The following CCDC6 variants were observed in gnomAD, a reference collection of about 807,000 sequenced individuals.
CCDC6 encodes coiled-coil domain-containing protein 6.
Under a neutral mutation model 56.6 loss-of-function variants are expected in CCDC6, and 20 were observed. The observed-to-expected ratio is 0.35, with a 90% CI of 0.25 to 0.51. CCDC6 has a LOEUF of 0.51. Ranked by LOEUF, CCDC6 falls within the 20% of genes least tolerant of loss-of-function variation. The pLI is 0.95. For missense variants in CCDC6, 367 were observed against 601.1 expected (o/e 0.61, Z 4.07); for synonymous variants, 241 against 234.4 (o/e 1.03, Z -0.26).
Position 59,812,915 on chromosome 10 carries a change from G to C in CCDC6, c.687-120C>G, listed in dbSNP as rs114482036. 349 of 673,062 alleles carry C rather than the reference G, an allele frequency of 5.2e-4. 1 individual carries two copies. Among genetic ancestry groups the C allele is most frequent in the African/African-American group, 5.1e-3 (279 of 54,978 alleles). The allele number at this position is 673,062 out of a possible 1,614,324, so 41.7% of individuals were successfully genotyped here. A position where few individuals can be genotyped will look rare whatever the true frequency, so the allele number is the denominator to read the frequency against. On this transcript the variant is annotated intron_variant, in intron 4 of 8. Coordinates refer to ENST00000263102, the MANE Select transcript of CCDC6 (RefSeq NM_005436.5). Reference sequence around the variant, plus strand: ...TCCTGTTTACTGCCAGAATTCACAGGGTTGCTTAATTCCTCTGCCCATTTT... The same window carrying C: ...TCCTGTTTACTGCCAGAATTCACAGCGTTGCTTAATTCCTCTGCCCATTTT...
At chr10:59,848,071 G>T (rs1380419191) in intron 2 of CCDC6, among the ~76,000 whole-genome samples, 1 of 152,124 alleles carries the variant, frequency 6.6e-6, no homozygotes, top group African/African-American at 2.4e-5. Context: ...CTCAGCCAGT[G>T]TGAGTGAGTG....
chr10:59,904,932 A>G (rs769100360), intron 1 of CCDC6, among the ~76,000 whole-genome samples: 1 of 152,144 alleles, frequency 6.6e-6, no homozygotes, highest in Non-Finnish European at 1.5e-5. Context: ...GGGCATCCTA[A>G]ACTTGCTCCA....
In CCDC6 at chr10:59,833,889, A is replaced by T. The variant is rs111490315; in HGVS notation, c.454-1236T>A. On this transcript the variant is annotated intron_variant, in intron 2 of 8. Coordinates refer to ENST00000263102, the MANE Select transcript of CCDC6 (RefSeq NM_005436.5). ...TATATGTGACAAATCACATTATTAG[A>T]CTGAAGCAATACAGCTGGAAAGTGG... Among the ~76,000 whole-genome samples the T allele has an allele frequency of 1.2e-3, 186 of 152,212 alleles. 2 individuals are homozygous for T. Among genetic ancestry groups the T allele is most frequent in the African/African-American group, 4.3e-3 (179 of 41,512 alleles).
chr10:59,897,901 C>T (rs1589066133), intron 1 of CCDC6, among the ~76,000 whole-genome samples: 1 of 152,170 alleles, frequency 6.6e-6, no homozygotes, highest in Admixed American at 6.5e-5. Flanking sequence ...TCTGCAGTAC[C>T]AAGTGGCCTC....
chr10:59,809,626 T>C (rs1364785760), intron 5 of CCDC6, among the ~76,000 whole-genome samples: 1 of 152,086 alleles, frequency 6.6e-6, no homozygotes, highest in Non-Finnish European at 1.5e-5. Context: ...CACACAGAAC[T>C]CCCTAGTACT....
intron 1 of CCDC6, among the ~76,000 whole-genome samples, chr10:59,861,215 C>T (rs976975645): frequency 6.6e-6 from 1 of 151,444 alleles, no homozygotes; most frequent in Non-Finnish European, 1.5e-5. Flanking sequence ...AATAATAATC[C>T]GGGTGCGGTG....
rs1312441627 is a variant in CCDC6, at chr10:59,821,868, T to C, written c.583-7113A>G. ...TGAAAGTTATGCCGTTGATAATTTATCTTCCTATTTTTTCCTGGCCTGCCC... is the reference window on the plus strand; with the variant it reads ...TGAAAGTTATGCCGTTGATAATTTACCTTCCTATTTTTTCCTGGCCTGCCC... On this transcript the variant is annotated intron_variant, in intron 3 of 8. Coordinates refer to ENST00000263102, the MANE Select transcript of CCDC6 (RefSeq NM_005436.5). Among the ~76,000 whole-genome samples the C allele has an allele frequency of 2.0e-5, 3 of 152,352 alleles. No homozygotes were observed. The East Asian group carries it at 5.8e-4, about 29-fold the overall frequency.
chr10:59,848,568 C>T (rs2071013424), intron 2 of CCDC6, among the ~76,000 whole-genome samples: 1 of 152,140 alleles, frequency 6.6e-6, no homozygotes, highest in South Asian at 2.1e-4. Flanking sequence ...ATCCCAGCTA[C>T]CTGGAAGGTG....
chr10:59,871,350 A>C (rs1363848362), intron 1 of CCDC6, among the ~76,000 whole-genome samples: 1 of 151,790 alleles, frequency 6.6e-6, no homozygotes, highest in Non-Finnish European at 1.5e-5. Flanking sequence ...AAAAATAAAC[A>C]TTCACCTTGT....
chr10:59,843,527 A>C (rs541364435), intron 2 of CCDC6, among the ~76,000 whole-genome samples: 1 of 152,338 alleles, frequency 6.6e-6, no homozygotes, highest in African/African-American at 2.4e-5. Flanking sequence ...GTTGCTTTAT[A>C]GTATACGCCC....
chr10:59,793,298 C>T (rs777648698), intron 8 of CCDC6, among the ~76,000 whole-genome samples, 187 bp from the exon 9 acceptor site: 10 of 152,224 alleles, frequency 6.6e-5, no homozygotes, highest in Non-Finnish European at 1.5e-4. Flanking sequence ...AGTGTTTACA[C>T]TTCCACCTAT....
intron 1 of CCDC6, among the ~76,000 whole-genome samples, chr10:59,879,533 G>A (rs929087941): frequency 1.3e-5 from 2 of 152,104 alleles, no homozygotes; most frequent in African/African-American, 4.8e-5. Flanking sequence ...ACTCTGAGAC[G>A]ATGACAAAGT....
intron 1 of CCDC6, among the ~76,000 whole-genome samples, chr10:59,900,268 C>T (rs1168786071): frequency 5.9e-5 from 9 of 152,006 alleles, no homozygotes; most frequent in Non-Finnish European, 1.0e-4. Flanking sequence ...GTGCATACCC[C>T]GGTGTGTGGC....
intron 2 of CCDC6, among the ~76,000 whole-genome samples, chr10:59,850,817 C>T (rs1372233986): frequency 1.3e-5 from 2 of 152,064 alleles, no homozygotes; most frequent in Non-Finnish European, 2.9e-5. Flanking sequence ...ATTTTAAGTT[C>T]AAGCCTTCTT....
In CCDC6 at chr10:59,790,280, C is replaced by T; in HGVS notation, c.*2637G>A. 1 of 219,766 alleles carries T rather than the reference C, an allele frequency of 4.6e-6. No homozygotes were observed. Among genetic ancestry groups the T allele is most frequent in the Non-Finnish European group, 9.2e-6 (1 of 109,236 alleles). The allele number at this position is 219,766 out of a possible 1,614,324, so 13.6% of individuals were successfully genotyped here. A position where few individuals can be genotyped will look rare whatever the true frequency, so the allele number is the denominator to read the frequency against. Reference sequence around the variant, plus strand: ...AATGAAGCTACTGAAGCCCCTGTTGCTCCCACCTGCCTGCAGGACGGCTAC... The same window carrying T: ...AATGAAGCTACTGAAGCCCCTGTTGTTCCCACCTGCCTGCAGGACGGCTAC... On this transcript the variant is annotated 3_prime_UTR_variant, in exon 9 of 9. Coordinates refer to ENST00000263102, the MANE Select transcript of CCDC6 (RefSeq NM_005436.5).
intron 1 of CCDC6, among the ~76,000 whole-genome samples, chr10:59,905,597 G>C (rs2071537668): frequency 6.6e-6 from 1 of 152,032 alleles, no homozygotes; most frequent in South Asian, 2.1e-4. Context: ...CCGGATTCCC[G>C]GCCACTCTCT....
Position 59,844,778 on chromosome 10 carries a change from G to A in CCDC6, c.453+7775C>T, listed in dbSNP as rs758350144. Among the ~76,000 whole-genome samples the A allele has an allele frequency of 1.3e-3, 193 of 150,106 alleles. 1 individual carries two copies. The highest frequency in any genetic ancestry group is 3.0e-3 in the South Asian group (14 of 4,730). On this transcript the variant is annotated intron_variant, in intron 2 of 8. Transcript: ENST00000263102. ...AAAAAAAAAAAGAGAGAGAGAGAGA[G>A]AAAATCCTTTAGGCTCTGGCATATT...
intron 1 of CCDC6, among the ~76,000 whole-genome samples, chr10:59,866,998 C>T (rs1421210728): frequency 6.6e-6 from 1 of 152,214 alleles, no homozygotes; most frequent in South Asian, 2.1e-4. Flanking sequence ...TCTGCTATCG[C>T]TGCCATCACT....
At chr10:59,865,318 A>G (rs1013765761) in intron 1 of CCDC6, among the ~76,000 whole-genome samples, 1 of 152,194 alleles carries the variant, frequency 6.6e-6, no homozygotes, top group Non-Finnish European at 1.5e-5. Context: ...TCAAAGAATC[A>G]ACAGGGGGAG....
Sources: allele counts gnomAD v4.1 joint callset (sites outside exome capture counted in the v4.1 genomes callset), GRCh38; gene constraint gnomAD v4.1.1; transcripts MANE v1.5; gene names NCBI Gene and HGNC (gene_info 2026-07-23, HGNC 2026-07-21).